SLC22A9: variants seen among roughly 807,000 people sequenced by gnomAD.
SLC22A9 encodes organic anion transporter 7.
SLC22A9 carries 64 observed loss-of-function variants against 50.1 expected under a neutral mutation model. The ratio of observed to expected loss-of-function variants is 1.28; its 90% CI spans 1.04 to 1.57. SLC22A9 has a LOEUF of 1.57. SLC22A9 is among the 40% of genes most tolerant of loss of function. The pLI is 0.00. For missense variants in SLC22A9, 757 were observed against 676.1 expected, an observed-to-expected ratio of 1.12 and a Z score of -1.33; for synonymous variants, 261 against 242.5, an observed-to-expected ratio of 1.08 and a Z score of -0.71.
In SLC22A9 at chr11:63,406,674, G is replaced by A. The variant is rs752481860; in HGVS notation, c.1251G>A (p.Leu417=). 4.3e-6 allele frequency: 7 copies of A among 1,613,652 alleles called. No homozygotes were observed. Among genetic ancestry groups the A allele is most frequent in the Admixed American group, 3.3e-5 (2 of 59,892 alleles). ...GCCAGATGCTTCTCATGTTCCTACT[G>A]GCAATCTGCCTTCTGGCCATCATAT... The part of the protein sequence containing the change: ...RASQMLLMFL[L]AICLLAIIFV... The change falls in exon 7 of 10, where the codon CTG becomes CTA. Residue 417 remains leucine (L), a synonymous_variant. Coordinates refer to ENST00000279178, the MANE Select transcript of SLC22A9 (RefSeq NM_080866.3).
At chr11:63,390,136 T>C (rs1240054377) in intron 6 of SLC22A9, among the ~76,000 whole-genome samples, 3 of 152,234 alleles carry the variant, frequency 2.0e-5, no homozygotes, top group Non-Finnish European at 4.4e-5. Context: ...GACTGTTCAC[T>C]CTGATGATAG....
At chr11:63,384,907 T>C (rs866157406) in intron 6 of SLC22A9, among the ~76,000 whole-genome samples, 7 of 152,218 alleles carry the variant, frequency 4.6e-5, no homozygotes, top group African/African-American at 1.2e-4. Flanking sequence ...GAGCTTTTTT[T>C]CATATGTTTG....
chr11:63,371,672 A>G (rs2014362111), intron 2 of SLC22A9, among the ~76,000 whole-genome samples: 1 of 152,230 alleles, frequency 6.6e-6, no homozygotes, highest in South Asian at 2.1e-4. Flanking sequence ...ATGAACACGC[A>G]TTCCTCTAAA....
At chr11:63,374,088 TTAATGAGA>T in intron 4 of SLC22A9, 26 bp downstream of exon 4, 1 of 1,579,642 alleles carries the variant, frequency 6.3e-7, no homozygotes, top group East Asian at 2.3e-5. Context: ...TTCTTTTGTC[TTAATGAGA>T]TATTGGAATG....
chr11:63,403,840 T>TA (rs1181878042), intron 6 of SLC22A9, among the ~76,000 whole-genome samples: 2 of 151,896 alleles, frequency 1.3e-5, no homozygotes, highest in African/African-American at 4.8e-5. Flanking sequence ...AATCAATCAA[T>TA]AAATAAACAA....
chr11:63,390,723 A>G (rs564300950), intron 6 of SLC22A9, among the ~76,000 whole-genome samples: 4 of 152,188 alleles, frequency 2.6e-5, no homozygotes, highest in Admixed American at 6.6e-5. Flanking sequence ...TTCTAATTCT[A>G]TGAAGACAGC....
rs563758057 is a variant in SLC22A9, at chr11:63,370,083, C to A, written c.27C>A (p.His9Gln). Reference sequence around the variant, plus strand: ...TGGCCTTTCAGGACCTCCTGGGTCACGCTGGTGACCTGTGGAGATTCCAGA... The same window carrying A: ...TGGCCTTTCAGGACCTCCTGGGTCAAGCTGGTGACCTGTGGAGATTCCAGA... MAFQDLLG[H>Q]AGDLWRFQIL... The change falls in exon 1 of 10, where the codon CAC becomes CAA. Residue 9 changes from histidine to glutamine, a missense_variant. Transcript: ENST00000279178. 3.7e-6 allele frequency: 6 copies of A among 1,613,104 alleles called. No individual in the cohort carries two copies. Among genetic ancestry groups the A allele is most frequent in the Admixed American group, 1.7e-5 (1 of 59,984 alleles).
At chr11:63,377,601 T>G (rs886290664) in intron 5 of SLC22A9, among the ~76,000 whole-genome samples, 3 of 151,948 alleles carry the variant, frequency 2.0e-5, no homozygotes, top group Non-Finnish European at 4.4e-5. Context: ...CATCACAAAG[T>G]TTGAGAGATC....
chr11:63,386,218 C>T (rs1189847720), intron 6 of SLC22A9, among the ~76,000 whole-genome samples: 4 of 151,872 alleles, frequency 2.6e-5, no homozygotes, highest in African/African-American at 9.7e-5. Context: ...TATTTTTGCA[C>T]CAATGTTCAT....
At chr11:63,405,488 C>A (rs2015021641) in intron 6 of SLC22A9, among the ~76,000 whole-genome samples, 1 of 152,196 alleles carries the variant, frequency 6.6e-6, no homozygotes, top group African/African-American at 2.4e-5. Context: ...AAACTATTGA[C>A]TCCTTTCTAT....
rs1337456891 is a variant in SLC22A9 at position 63,406,588 on chromosome 11, G to C, written c.1165G>C (p.Val389Leu). 1 of 1,613,742 alleles carries C rather than the reference G, an allele frequency of 6.2e-7. No homozygotes were observed. Among genetic ancestry groups the C allele is most frequent in the African/African-American group, 1.3e-5 (1 of 74,902 alleles). ...CCTGTTGCAGACTCTCTTTGGTGCAGTCATCCTCCTGGCCAACTGTGTTGC... is the reference window on the plus strand; with the variant it reads ...CCTGTTGCAGACTCTCTTTGGTGCACTCATCCTCCTGGCCAACTGTGTTGC... Reference protein sequence around the residue: ...VFLLQTLFGAVILLANCVAPW... With the variant: ...VFLLQTLFGALILLANCVAPW... Residue 389 changes from valine to leucine, a missense_variant, in exon 7 of 10, where the codon GTC (valine) becomes CTC (leucine). Val to Leu is a conservative substitution (Grantham distance 32, BLOSUM62 1). Coordinates refer to ENST00000279178, the MANE Select transcript of SLC22A9 (RefSeq NM_080866.3).
At chr11:63,400,076 A>G (rs561729023) in intron 6 of SLC22A9, among the ~76,000 whole-genome samples, 1 of 152,228 alleles carries the variant, frequency 6.6e-6, no homozygotes, top group African/African-American at 2.4e-5. Flanking sequence ...CCTACCTCAA[A>G]ACAGTAGAAA....
chr11:63,397,646 C>G (rs187006587), intron 6 of SLC22A9, among the ~76,000 whole-genome samples: 1 of 152,180 alleles, frequency 6.6e-6, no homozygotes, highest in East Asian at 1.9e-4. Context: ...GAGGAGTCAT[C>G]TCATGGCCAC....
chr11:63,373,352 G>A (rs551459002), intron 2 of SLC22A9, among the ~76,000 whole-genome samples: 1 of 152,090 alleles, frequency 6.6e-6, no homozygotes, highest in Admixed American at 6.5e-5. Context: ...TAGTACAAGG[G>A]ACTTCTGATA....
intron 6 of SLC22A9, among the ~76,000 whole-genome samples, chr11:63,400,107 G>A (rs529964132): frequency 6.6e-5 from 10 of 152,002 alleles, no homozygotes; most frequent in Non-Finnish European, 1.2e-4. Flanking sequence ...AGCCTAGGAT[G>A]TACCTTAAAG....
intron 6 of SLC22A9, among the ~76,000 whole-genome samples, chr11:63,384,239 C>T (rs753616892): frequency 4.6e-5 from 7 of 152,076 alleles, no homozygotes; most frequent in Non-Finnish European, 1.0e-4. Flanking sequence ...CAACTCATCA[C>T]CTAGGTATTA....
At chr11:63,381,270 C>G (rs2014555978) in intron 5 of SLC22A9, among the ~76,000 whole-genome samples, 1 of 152,000 alleles carries the variant, frequency 6.6e-6, no homozygotes, top group Non-Finnish European at 1.5e-5. Context: ...CACATATAAC[C>G]CAGAGATATT....
intron 6 of SLC22A9, among the ~76,000 whole-genome samples, chr11:63,392,014 C>A (rs1169818965): frequency 2.0e-5 from 3 of 151,904 alleles, no homozygotes; most frequent in African/African-American, 7.3e-5. Flanking sequence ...ATGAGGCTTG[C>A]AAATAATATC....
intron 4 of SLC22A9, among the ~76,000 whole-genome samples, chr11:63,375,350 G>T (rs1035052032): frequency 1.3e-5 from 2 of 152,154 alleles, no homozygotes; most frequent in Non-Finnish European, 2.9e-5. Flanking sequence ...GGATCTATCT[G>T]TACAAGTGAC....
Sources: gnomAD v4.1 joint callset for allele counts (sites outside exome capture counted in the v4.1 genomes callset) on GRCh38, gnomAD v4.1.1 for gene constraint, MANE v1.5 for transcripts, NCBI Gene and HGNC (gene_info 2026-07-23, HGNC 2026-07-21) for gene names.